RBFOX1: variants seen among roughly 807,000 people sequenced by gnomAD.
RBFOX1 encodes the protein RNA binding protein fox-1 homolog 1.
In RBFOX1, 8 loss-of-function variants were observed where a neutral mutation model predicts 57.7. That is an observed-to-expected ratio of 0.14 (90% CI 0.08 to 0.25). RBFOX1 has a LOEUF of 0.25. RBFOX1 is among the 10% of genes least tolerant of loss of function. The pLI is 1.00. For missense variants in RBFOX1, 611 were observed against 548.5 expected (o/e 1.11, Z -1.14); for synonymous variants, 326 against 222.4 (o/e 1.47, Z -4.15).
intron 3 of RBFOX1, among the ~76,000 whole-genome samples, chr16:6,912,687 C>T (rs757613359): frequency 2.3e-4 from 35 of 151,458 alleles, no homozygotes; most frequent in Admixed American, 5.9e-4. Context: ...ATGATCATAG[C>T]TCACTGTAGC....
At chr16:5,982,853 T>C (rs559073721) in intron 4 of RBFOX1, among the ~76,000 whole-genome samples, 1 of 152,348 alleles carries the variant, frequency 6.6e-6, no homozygotes, top group Non-Finnish European at 1.5e-5. Context: ...CACTATTATA[T>C]CTGTTATGTC....
At chr16:6,358,553 AT>A (rs2087809474) in intron 2 of RBFOX1, among the ~76,000 whole-genome samples, 1 of 152,186 alleles carries the variant, frequency 6.6e-6, no homozygotes. Flanking sequence ...ATTTGAATAG[AT>A]TTCATTTATT....
At chr16:7,596,909 A>G (rs2094730348) in intron 8 of RBFOX1, among the ~76,000 whole-genome samples, 1 of 152,178 alleles carries the variant, frequency 6.6e-6, no homozygotes, top group Non-Finnish European at 1.5e-5. Flanking sequence ...CTTTCCTCCT[A>G]AAGTGTTGCA....
At chr16:6,379,819 G>A (rs1372292226) in intron 2 of RBFOX1, among the ~76,000 whole-genome samples, 1 of 152,166 alleles carries the variant, frequency 6.6e-6, no homozygotes. Context: ...GTGCAAGAAG[G>A]GGGATATGTT....
chr16:6,625,239 C>T (rs1233268377), intron 2 of RBFOX1, among the ~76,000 whole-genome samples: 1 of 130,456 alleles, frequency 7.7e-6, no homozygotes, highest in East Asian at 2.6e-4. Flanking sequence ...ATTTCACAAA[C>T]AATTATTTAA....
At chr16:6,949,696 T>A (rs1335566198) in intron 3 of RBFOX1, among the ~76,000 whole-genome samples, 1 of 152,300 alleles carries the variant, frequency 6.6e-6, no homozygotes, top group African/African-American at 2.4e-5. Flanking sequence ...TACCTCCTTC[T>A]AGGTCCTACC....
intron 4 of RBFOX1, among the ~76,000 whole-genome samples, chr16:7,078,775 C>G (rs905928904): frequency 6.7e-6 from 1 of 149,216 alleles, no homozygotes; most frequent in Non-Finnish European, 1.5e-5. Flanking sequence ...CTCCACTTCC[C>G]GAGTTCAAGC....
At chr16:5,636,825 C>T (rs2048699181) in intron 3 of RBFOX1, among the ~76,000 whole-genome samples, 1 of 152,160 alleles carries the variant, frequency 6.6e-6, no homozygotes, top group Admixed American at 6.5e-5. Context: ...TGGTTTTCCC[C>T]AGACCTGGGA....
At chr16:5,748,502 G>T (rs1482040036) in intron 3 of RBFOX1, among the ~76,000 whole-genome samples, 1 of 152,052 alleles carries the variant, frequency 6.6e-6, no homozygotes, top group Non-Finnish European at 1.5e-5. Context: ...TTATTGTGTG[G>T]GAGTCTAAGT....
intron 3 of RBFOX1, among the ~76,000 whole-genome samples, chr16:7,041,527 G>C (rs1421345832): frequency 6.6e-6 from 1 of 152,100 alleles, no homozygotes; most frequent in Non-Finnish European, 1.5e-5. Context: ...ATTCGCCGTT[G>C]CACTCTGGTA....
chr16:6,956,122 AG>A (rs2081781299), intron 3 of RBFOX1, among the ~76,000 whole-genome samples: 1 of 152,032 alleles, frequency 6.6e-6, no homozygotes, highest in African/African-American at 2.4e-5. Flanking sequence ...CAGAGGCTGG[AG>A]TTGTAAATGG....
chr16:7,560,333 A>G (rs2090019506), intron 5 of RBFOX1, among the ~76,000 whole-genome samples: 1 of 152,160 alleles, frequency 6.6e-6, no homozygotes, highest in African/African-American at 2.4e-5. Flanking sequence ...AAGGCCACCA[A>G]ATTTCATGTC....
At chr16:6,818,252 T>C (rs755232940) in intron 3 of RBFOX1, among the ~76,000 whole-genome samples, 1 of 152,038 alleles carries the variant, frequency 6.6e-6, no homozygotes, top group Non-Finnish European at 1.5e-5. Context: ...GCAGAGGCTT[T>C]AGAAGTAGGT....
At chr16:5,925,458 C>G (rs988962753) in intron 4 of RBFOX1, among the ~76,000 whole-genome samples, 1 of 152,082 alleles carries the variant, frequency 6.6e-6, no homozygotes, top group African/African-American at 2.4e-5. Flanking sequence ...ACAGGAAAAC[C>G]CATGGAAACA....
intron 3 of RBFOX1, among the ~76,000 whole-genome samples, chr16:5,645,660 A>G (rs577935803): frequency 2.0e-5 from 3 of 152,278 alleles, no homozygotes; most frequent in African/African-American, 7.2e-5. Context: ...TTTATTATGT[A>G]TTTACATACG....
intron 3 of RBFOX1, among the ~76,000 whole-genome samples, chr16:7,007,664 T>G (rs998269760): frequency 3.3e-5 from 5 of 152,186 alleles, no homozygotes; most frequent in African/African-American, 1.2e-4. Flanking sequence ...GTTTGGAAGC[T>G]CTTCTCTTTA....
intron 2 of RBFOX1, among the ~76,000 whole-genome samples, chr16:6,352,901 G>A (rs754071822): frequency 1.3e-5 from 2 of 152,106 alleles, no homozygotes; most frequent in Non-Finnish European, 2.9e-5. Flanking sequence ...AGCCAATCAT[G>A]AACTAAAGAG....
At chr16:5,334,843 G>C (rs890954389) in intron 1 of RBFOX1, among the ~76,000 whole-genome samples, 2 of 151,558 alleles carry the variant, frequency 1.3e-5, no homozygotes, top group African/African-American at 4.8e-5. Context: ...TTTAAGCATG[G>C]ACACATCCTT....
intron 3 of RBFOX1, among the ~76,000 whole-genome samples, chr16:5,717,805 C>T (rs1345715345): frequency 6.6e-6 from 1 of 152,138 alleles, no homozygotes; most frequent in African/African-American, 2.4e-5. Flanking sequence ...CCATGATCAG[C>T]GATTTATTCG....
Sources: allele counts gnomAD v4.1 joint callset (sites outside exome capture counted in the v4.1 genomes callset), GRCh38; gene constraint gnomAD v4.1.1; transcripts MANE v1.5; gene names NCBI Gene and HGNC (gene_info 2026-07-23, HGNC 2026-07-21).